Variants in SLC35D4 observed in about 807,000 individuals in gnomAD.
SLC35D4 encodes the protein solute carrier family 35 member D4.
At chr18:23,318,808 G>C in the SLC35D4 span, among the ~76,000 whole-genome samples, 1 of 152,250 alleles carries the variant, frequency 6.6e-6, no homozygotes, top group East Asian at 1.9e-4. Flanking sequence ...TAATAAAGGA[G>C]TCTAGAAACC....
At chr18:23,392,904 T>G in the SLC35D4 span, among the ~76,000 whole-genome samples, 28 of 152,254 alleles carry the variant, frequency 1.8e-4, no homozygotes, top group Middle Eastern at 3.4e-3. Flanking sequence ...TACTGGAACC[T>G]AGGTGATTTT....
At chr18:23,382,002 G>C in the SLC35D4 span, among the ~76,000 whole-genome samples, 4 of 152,164 alleles carry the variant, frequency 2.6e-5, no homozygotes, top group Non-Finnish European at 5.9e-5. Flanking sequence ...CACTTTGGGA[G>C]GCTGAGGTGG....
chr18:23,284,200 T>G, the SLC35D4 span, among the ~76,000 whole-genome samples: 1 of 152,184 alleles, frequency 6.6e-6, no homozygotes, highest in African/African-American at 2.4e-5. Flanking sequence ...AATAAAGTCC[T>G]TGTGACCTGT....
chr18:23,284,641 T>G, the SLC35D4 span, among the ~76,000 whole-genome samples: 1 of 152,234 alleles, frequency 6.6e-6, no homozygotes, highest in Non-Finnish European at 1.5e-5. Context: ...CAGGACCCCT[T>G]GAGGCTGCTC....
the SLC35D4 span, among the ~76,000 whole-genome samples, chr18:23,354,573 GA>G: frequency 4.0e-5 from 6 of 150,886 alleles, no homozygotes; most frequent in Non-Finnish European, 5.9e-5. Flanking sequence ...GGGTGGGGCT[GA>G]AAAGGGAGGC....
the SLC35D4 span, chr18:23,257,351 T>A: frequency 6.2e-7 from 1 of 1,608,964 alleles, no homozygotes. Flanking sequence ...TACAGACGGC[T>A]GGTCCAGAGT....
the SLC35D4 span, among the ~76,000 whole-genome samples, chr18:23,334,629 A>G: frequency 6.6e-6 from 1 of 152,208 alleles, no homozygotes; most frequent in Non-Finnish European, 1.5e-5. Flanking sequence ...CTACTTATAC[A>G]TAAACAAAAC....
chr18:23,414,829 G>A, the SLC35D4 span, among the ~76,000 whole-genome samples: 1 of 150,964 alleles, frequency 6.6e-6, no homozygotes, highest in Non-Finnish European at 1.5e-5. Flanking sequence ...TAAATAAAAT[G>A]TATGGCCAGG....
the SLC35D4 span, among the ~76,000 whole-genome samples, chr18:23,256,329 T>G: frequency 6.6e-6 from 1 of 152,196 alleles, no homozygotes; most frequent in African/African-American, 2.4e-5. Context: ...TCAGCCCTGT[T>G]TAGATACACA....
chr18:23,414,160 C>T, the SLC35D4 span, among the ~76,000 whole-genome samples: 35 of 151,838 alleles, frequency 2.3e-4, no homozygotes, highest in African/African-American at 8.2e-4. Context: ...GAGGCTGAGG[C>T]AGGAGAATCG....
chr18:23,375,924 G>C, the SLC35D4 span, among the ~76,000 whole-genome samples: 1 of 152,064 alleles, frequency 6.6e-6, no homozygotes, highest in African/African-American at 2.4e-5. Context: ...AAAAGCTCTT[G>C]CCTCTAGCTT....
the SLC35D4 span, among the ~76,000 whole-genome samples, chr18:23,362,116 T>C: frequency 1.3e-5 from 2 of 152,238 alleles, no homozygotes; most frequent in Non-Finnish European, 2.9e-5. Context: ...TATTTTTGTA[T>C]TGACCTAAAA....
the SLC35D4 span, among the ~76,000 whole-genome samples, chr18:23,267,191 C>T: frequency 4.1e-4 from 63 of 152,326 alleles, 1 homozygote; most frequent in East Asian, 7.7e-4. Flanking sequence ...TTGTGAGACG[C>T]GATGTGGCCT....
At chr18:23,417,918 T>G in the SLC35D4 span, among the ~76,000 whole-genome samples, 2 of 152,298 alleles carry the variant, frequency 1.3e-5, no homozygotes, top group South Asian at 4.1e-4. Context: ...CCCAAGCTCC[T>G]GCTTCTCCAA....
chr18:23,261,847 G>A, the SLC35D4 span, among the ~76,000 whole-genome samples: 2 of 152,144 alleles, frequency 1.3e-5, no homozygotes, highest in Admixed American at 6.5e-5. Context: ...ACATTTATAC[G>A]GAATGCTTTT....
the SLC35D4 span, among the ~76,000 whole-genome samples, chr18:23,345,249 C>T: frequency 2.6e-4 from 40 of 151,882 alleles, no homozygotes; most frequent in Non-Finnish European, 3.5e-4. Flanking sequence ...TTTGGGAGGC[C>T]GAGGTGGGCG....
the SLC35D4 span, among the ~76,000 whole-genome samples, chr18:23,264,364 T>C: frequency 7.5e-6 from 1 of 133,498 alleles, no homozygotes; most frequent in East Asian, 2.1e-4. Flanking sequence ...TTTTTTTTTT[T>C]TTTTTTTTTT....
At chr18:23,422,302 C>T in the SLC35D4 span, among the ~76,000 whole-genome samples, 2 of 151,894 alleles carry the variant, frequency 1.3e-5, no homozygotes, top group Non-Finnish European at 2.9e-5. Flanking sequence ...CTACCAAGCT[C>T]CCAGTGATAA....
chr18:23,266,082 G>A, the SLC35D4 span, among the ~76,000 whole-genome samples: 1 of 152,158 alleles, frequency 6.6e-6, no homozygotes. Context: ...AAGCCTCAGG[G>A]GAAGCCTGGG....
Sources: gnomAD v4.1 joint callset for allele counts (sites outside exome capture counted in the v4.1 genomes callset) on GRCh38, gnomAD v4.1.1 for gene constraint, MANE v1.5 for transcripts, NCBI Gene and HGNC (gene_info 2026-07-23, HGNC 2026-07-21) for gene names.